Variants in TGFB3 observed in about 807,000 individuals in gnomAD.
TGFB3 encodes transforming growth factor beta 3.
In TGFB3, 5 loss-of-function variants were observed where a neutral mutation model predicts 40.1. That is an observed-to-expected ratio of 0.12 (90% CI 0.07 to 0.26). The LOEUF is 0.26. TGFB3 is among the 10% of genes least tolerant of loss of function. The pLI is 1.00. For missense variants in TGFB3, 373 were observed against 530.1 expected, an observed-to-expected ratio of 0.70 and a Z score of 2.91; for synonymous variants, 184 against 205.6, an observed-to-expected ratio of 0.89 and a Z score of 0.90.
rs2035430233 is a variant in TGFB3, at chr14:75,981,342, C to T, written c.-449G>A. On this transcript the variant is annotated 5_prime_UTR_variant, in exon 1 of 7. Transcript: ENST00000238682. The surrounding 1 kb of genome is among the most constrained non-coding windows in gnomAD (Gnocchi z 4.7). ...GTATTTTAAAGAAGAAGCAGAAGGACCATGGCTGGGTCCCAAAATCAAAAT... is the reference window on the plus strand; with the variant it reads ...GTATTTTAAAGAAGAAGCAGAAGGATCATGGCTGGGTCCCAAAATCAAAAT... 5.6e-6 allele frequency: 1 copy of T among 179,254 alleles called. No individual in the cohort carries two copies. Among genetic ancestry groups the T allele is most frequent in the Non-Finnish European group, 1.2e-5 (1 of 83,318 alleles). The allele number at this position is 179,254 out of a possible 1,614,324, so 11.1% of individuals were successfully genotyped here.
At position 75,963,402 on chromosome 14, in the gene TGFB3, G is replaced by C. The variant is rs746293134; in HGVS notation, c.840C>G (p.Leu280=). 6.2e-7 allele frequency: 1 copy of C among 1,614,168 alleles called. No homozygotes were observed. Among genetic ancestry groups the C allele is most frequent in the Non-Finnish European group, 8.5e-7 (1 of 1,180,040 alleles). ...CGAGCCGGTGTGGGGGAATCATCATGAGGATTAGATGAGGGTTGTGGTGAT... is the reference window on the plus strand; with the variant it reads ...CGAGCCGGTGTGGGGGAATCATCATCAGGATTAGATGAGGGTTGTGGTGAT... ...QKDHHNPHLI[L]MMIPPHRLDN... Residue 280 remains leucine (L), a synonymous_variant, in exon 5 of 7, where the codon CTC becomes CTG. Transcript: ENST00000238682.
chr14:75,959,865 T>C (rs1194918154), intron 6 of TGFB3, among the ~76,000 whole-genome samples: 2 of 149,462 alleles, frequency 1.3e-5, no homozygotes, highest in African/African-American at 4.9e-5. Flanking sequence ...GCAGAACAAC[T>C]GCACTTGTTT....
At chr14:75,969,666 T>C (rs1029751613) in intron 3 of TGFB3, among the ~76,000 whole-genome samples, 2 of 152,188 alleles carry the variant, frequency 1.3e-5, no homozygotes, top group Non-Finnish European at 1.5e-5. Context: ...CATGTGAAGT[T>C]TGATATGCCT....
chr14:75,960,730 G>A (rs759802091), intron 6 of TGFB3, 193 bp downstream of exon 6: 4 of 688,498 alleles, frequency 5.8e-6, no homozygotes, highest in Non-Finnish European at 7.2e-6. Flanking sequence ...AACTATGGTA[G>A]GAATTTAAAA....
upstream of TGFB3, among the ~76,000 whole-genome samples, chr14:75,982,268 T>G (rs565602929): frequency 1.3e-5 from 2 of 152,222 alleles, no homozygotes; most frequent in East Asian, 3.9e-4. The surrounding 1 kb of genome is among the most constrained non-coding windows in gnomAD (Gnocchi z 4.0). Context: ...CCTCCCTCCC[T>G]TTCCCCCAGC....
intron 3 of TGFB3, among the ~76,000 whole-genome samples, chr14:75,967,017 A>G (rs1382198799): frequency 6.6e-6 from 1 of 152,208 alleles, no homozygotes; most frequent in Admixed American, 6.5e-5. Context: ...CTGAGGCCAC[A>G]CACCATGTGT....
chr14:75,961,219 G>A lies in TGFB3; in HGVS notation c.927-143C>T, dbSNP rs1393118653. 9.7e-6 allele frequency: 9 copies of A among 925,276 alleles called. No individual in the cohort carries two copies. In the East Asian group the frequency reaches 2.1e-4, roughly 22 times the overall value. 57.3% of individuals were successfully genotyped at this position (925,276 alleles called of 1,614,324 possible). On this transcript the variant is annotated intron_variant, in intron 5 of 6. Coordinates refer to ENST00000238682, the MANE Select transcript of TGFB3 (RefSeq NM_003239.5). ...ATGGAATCCCAGGTTCAAGGGCATG[G>A]GGCAGAAGAAACCAGAAAGGCACAT...
intron 3 of TGFB3, chr14:75,965,995 G>C: frequency 2.4e-6 from 1 of 410,052 alleles, no homozygotes; most frequent in East Asian, 5.4e-5. Context: ...GGTATTAAGA[G>C]AAAATTGTCA....
Position 75,971,159 on chromosome 14 carries a change from T to A in TGFB3, c.613A>T (p.Thr205Ser). The A allele has an allele frequency of 6.2e-7, 1 of 1,614,146 alleles. No homozygotes were observed. The highest frequency in any genetic ancestry group is 8.5e-7 in the Non-Finnish European group (1 of 1,180,034). Residue 205 changes from threonine to serine, a missense_variant, in exon 3 of 7, where the codon ACT becomes TCT. Transcript: ENST00000238682. This position sits in a 1 kb window ranked among gnomAD's most constrained non-coding sequence, Gnocchi z 4.5. The stretch of plus-strand genomic sequence containing the variant: ...AACAGCCACTCACGCACAGTGTCAG[T>A]GACATCAAAGGACAGCCACTCGGCA... ...GTAEWLSFDV[T>S]DTVREWLLRR...
chr14:75,965,032 C>A (rs538405881), intron 4 of TGFB3, among the ~76,000 whole-genome samples: 1 of 152,186 alleles, frequency 6.6e-6, no homozygotes, highest in East Asian at 1.9e-4. Context: ...TGACTCTCAA[C>A]GACTTCGCCA....
rs2035114915 is a variant in TGFB3 at position 75,958,620 on chromosome 14, A to G, written c.*567T>C. The G allele has an allele frequency of 1.1e-5, 2 of 178,188 alleles. No homozygotes were observed. Among genetic ancestry groups the G allele is most frequent in the African/African-American group, 2.4e-5 (1 of 41,902 alleles). 11.0% of individuals were successfully genotyped at this position (178,188 alleles called of 1,614,324 possible). A position where few individuals can be genotyped will look rare whatever the true frequency, so the allele number is the denominator to read the frequency against. On this transcript the variant is annotated 3_prime_UTR_variant, in exon 7 of 7. Transcript: ENST00000238682. ...CCCACGATGTTAATTGATGTAGAGG[A>G]CAGTTTGCAAAAGTAATAGATTTGC...
At chr14:75,964,070 T>C (rs2035192658) in intron 4 of TGFB3, among the ~76,000 whole-genome samples, 1 of 152,082 alleles carries the variant, frequency 6.6e-6, no homozygotes, top group Admixed American at 6.5e-5. Context: ...GAGACAGGGT[T>C]TCACCATGTT....
intron 4 of TGFB3, 64 bp downstream of exon 4, chr14:75,965,524 A>G (rs1472279632): frequency 7.3e-7 from 1 of 1,367,038 alleles, no homozygotes; most frequent in Non-Finnish European, 1.0e-6. Flanking sequence ...GGTCTCCTGC[A>G]CTATCCTGTC....
At chr14:75,976,167 T>C (rs1184571576) in intron 1 of TGFB3, among the ~76,000 whole-genome samples, 1 of 152,204 alleles carries the variant, frequency 6.6e-6, no homozygotes, top group African/African-American at 2.4e-5. Context: ...TCATTTCTGC[T>C]GGTTCTAGTG....
At position 75,971,566 on chromosome 14, in the gene TGFB3, C is replaced by G; in HGVS notation, c.505G>C (p.Glu169Gln). 1 of 1,614,116 alleles carries G rather than the reference C, an allele frequency of 6.2e-7. No homozygotes were observed. The highest frequency in any genetic ancestry group is 8.5e-7 in the Non-Finnish European group (1 of 1,180,002). The change falls in exon 2 of 7, where the codon GAG becomes CAG. Residue 169 changes from glutamate to glutamine, a missense_variant. Transcript: ENST00000238682. The surrounding 1 kb of genome is among the most constrained non-coding windows in gnomAD (Gnocchi z 4.5). Reference protein sequence around the residue: ...PSSKRNEQRIELFQILRPDEH... With the variant: ...PSSKRNEQRIQLFQILRPDEH... ...GAGAGAGGAGTTACCTGGAAGAGCTCGATCCTCTGCTCATTCCGCTTAGAG... is the reference window on the plus strand; with the variant it reads ...GAGAGAGGAGTTACCTGGAAGAGCTGGATCCTCTGCTCATTCCGCTTAGAG...
At chr14:75,972,249 G>T (rs1335417187) in intron 1 of TGFB3, among the ~76,000 whole-genome samples, 2 of 152,178 alleles carry the variant, frequency 1.3e-5, no homozygotes, top group African/African-American at 4.8e-5. Flanking sequence ...ACCCATTTAT[G>T]CCTGGTGTTC....
intron 3 of TGFB3, among the ~76,000 whole-genome samples, chr14:75,969,363 G>A (rs1215215052): frequency 2.0e-5 from 3 of 152,120 alleles, no homozygotes; most frequent in African/African-American, 7.2e-5. Context: ...CCAACCCACT[G>A]AGCATCAGAC....
rs1319852054 is a variant in TGFB3, at chr14:75,971,248, C to T, written c.524G>A (p.Arg175Gln). ...CTGTTTGGCAATGTGCTCATCTGGC[C>T]GAAGGATCTACAGGGCAGAGAAAGG... The part of the protein sequence containing the change: ...EQRIELFQIL[R>Q]PDEHIAKQRY... Residue 175 changes from arginine to glutamine, a missense_variant, in exon 3 of 7, where the codon CGG (arginine) becomes CAG (glutamine). By Grantham distance (43) the Arg-to-Gln change is conservative. Coordinates refer to ENST00000238682, the MANE Select transcript of TGFB3 (RefSeq NM_003239.5). The surrounding 1 kb of genome is among the most constrained non-coding windows in gnomAD (Gnocchi z 4.5). 6.2e-6 allele frequency: 10 copies of T among 1,613,956 alleles called. No homozygotes were observed. The highest frequency in any genetic ancestry group is 4.4e-5 in the South Asian group (4 of 91,056).
At chr14:75,961,557 C>T (rs1165053981) in intron 5 of TGFB3, among the ~76,000 whole-genome samples, 2 of 152,214 alleles carry the variant, frequency 1.3e-5, no homozygotes, top group African/African-American at 4.8e-5. Flanking sequence ...GCATATCCTT[C>T]TATTAGAACC....
Sources: gnomAD v4.1 joint callset for allele counts (sites outside exome capture counted in the v4.1 genomes callset) on GRCh38, gnomAD v4.1.1 for gene constraint, Gnocchi (gnomAD v3.1) non-coding constraint, MANE v1.5 for transcripts, NCBI Gene and HGNC (gene_info 2026-07-23, HGNC 2026-07-21) for gene names.